Variants in DHTKD1 observed in about 807,000 individuals in gnomAD.
DHTKD1 encodes 2-oxoadipate dehydrogenase complex component E1.
In DHTKD1, 78 loss-of-function variants were observed where a neutral mutation model predicts 101.8. The observed-to-expected ratio is 0.77, with a 90% CI of 0.64 to 0.93. The LOEUF (loss-of-function observed/expected upper bound fraction) is 0.93. DHTKD1 is among the 40% of genes least tolerant of loss of function. The probability of loss-of-function intolerance (pLI) is 0.00; values close to 1 mark genes in which losing one functional copy is unlikely to be tolerated. For missense variants in DHTKD1, 1,223 were observed against 1,161.7 expected, an observed-to-expected ratio of 1.05 and a Z score of -0.77; for synonymous variants, 462 against 450.3, an observed-to-expected ratio of 1.03 and a Z score of -0.33.
At chr10:12,112,521 CACACACACA>C (rs1224219882) in intron 12 of DHTKD1, among the ~76,000 whole-genome samples, 2 of 150,660 alleles carry the variant, frequency 1.3e-5, no homozygotes, top group Non-Finnish European at 3.0e-5. Context: ...CACACACACA[CACACACACA>C]ATCGTTTTAT....
rs1833212255 is a variant in DHTKD1, at chr10:12,104,174, A to G, written c.1897-2072A>G. Among the ~76,000 whole-genome samples the G allele has an allele frequency of 2.0e-5, 3 of 152,266 alleles. No individual in the cohort carries two copies. In the Middle Eastern group the frequency reaches 0.01, roughly 518 times the overall value. ...AGGTCCATCCATGCATGCAGCATGT[A>G]TCAGTACATCCTTCTTTTTTTTGAG... On this transcript the variant is annotated intron_variant, in intron 10 of 16. Transcript: ENST00000263035.
intron 1 of DHTKD1, among the ~76,000 whole-genome samples, chr10:12,073,383 G>A (rs1255845957): frequency 1.3e-5 from 2 of 151,458 alleles, no homozygotes; most frequent in Admixed American, 1.3e-4. Flanking sequence ...GTCTTGCTCT[G>A]TCACCCAGGC....
intron 2 of DHTKD1, among the ~76,000 whole-genome samples, chr10:12,084,071 C>T (rs1348603296): frequency 3.3e-5 from 5 of 151,858 alleles, no homozygotes; most frequent in African/African-American, 1.2e-4. Context: ...TACAGGCGCA[C>T]GCTACCATGC....
Position 12,087,535 on chromosome 10 carries a change from G to C in DHTKD1, c.523G>C (p.Glu175Gln), listed in dbSNP as rs1333426380. Residue 175 changes from glutamate to glutamine, a missense_variant and splice_region_variant, in exon 4 of 17, where the codon GAG (glutamate) becomes CAG (glutamine). By Grantham distance (29) the Glu-to-Gln change is conservative. Coordinates refer to ENST00000263035, the MANE Select transcript of DHTKD1 (RefSeq NM_018706.7). This position sits in a 1 kb window ranked among gnomAD's most constrained non-coding sequence, Gnocchi z 5.2. ...TCACGTCTGACATGATGTTCTGCAGGAGTTTGACCACTTTCTGGCCACCAA... is the reference window on the plus strand; with the variant it reads ...TCACGTCTGACATGATGTTCTGCAGCAGTTTGACCACTTTCTGGCCACCAA... ...HLSKLMLESQ[E>Q]FDHFLATKFS... 1 of 1,591,396 alleles carries C rather than the reference G, an allele frequency of 6.3e-7. No homozygotes were observed. The highest frequency in any genetic ancestry group is 8.6e-7 in the Non-Finnish European group (1 of 1,168,418).
chr10:12,094,570 C>G (rs1833040632), intron 7 of DHTKD1, among the ~76,000 whole-genome samples: 1 of 152,098 alleles, frequency 6.6e-6, no homozygotes, highest in Non-Finnish European at 1.5e-5. Flanking sequence ...CTCCTGACCT[C>G]AGGTGATCTG....
intron 13 of DHTKD1, among the ~76,000 whole-genome samples, chr10:12,115,928 ATT>A (rs762994821): frequency 1.5e-4 from 20 of 133,134 alleles, no homozygotes; most frequent in East Asian, 2.1e-4. Context: ...ACACCCAGCA[ATT>A]TTTTTTTTTT....
chr10:12,074,118 T>G (rs1588599925), intron 1 of DHTKD1, among the ~76,000 whole-genome samples: 2 of 152,324 alleles, frequency 1.3e-5, no homozygotes, highest in South Asian at 2.1e-4. Context: ...CGTAAAGGTA[T>G]TCATTTTTCT....
At position 12,110,430 on chromosome 10, in the gene DHTKD1, T is replaced by C. The variant is rs1391165342; in HGVS notation, c.2154+2415T>C. The stretch of plus-strand genomic sequence containing the variant: ...TGTGGCACAAGACAATTCTTCTTCT[T>C]CCGGTGTGGCTCAGGTAAGCCAAAA... On this transcript the variant is annotated intron_variant, in intron 12 of 16. Transcript: ENST00000263035. This position sits in a 1 kb window ranked among gnomAD's most constrained non-coding sequence, Gnocchi z 4.9. Among the ~76,000 whole-genome samples, 1 of 152,082 alleles carries C rather than the reference T, an allele frequency of 6.6e-6. No individual in the cohort carries two copies. Among genetic ancestry groups the C allele is most frequent in the Admixed American group, 6.6e-5 (1 of 15,256 alleles).
At chr10:12,104,847 G>A (rs542335512) in intron 10 of DHTKD1, among the ~76,000 whole-genome samples, 18 of 151,418 alleles carry the variant, frequency 1.2e-4, no homozygotes, top group Non-Finnish European at 2.2e-4. Context: ...TGACTACCAT[G>A]TATTTCTCAA....
At chr10:12,113,394 C>A (rs561452059) in intron 13 of DHTKD1, among the ~76,000 whole-genome samples, 62 of 152,232 alleles carry the variant, frequency 4.1e-4, no homozygotes, top group Non-Finnish European at 8.1e-4. Context: ...GATGGGGTTT[C>A]GCCATCTTGG....
intron 13 of DHTKD1, among the ~76,000 whole-genome samples, chr10:12,117,330 ATAG>A (rs1833435419): frequency 9.7e-6 from 1 of 103,282 alleles, no homozygotes; most frequent in African/African-American, 3.7e-5. Flanking sequence ...TTTTTTTTTA[ATAG>A]AGGCAAGGCA....
chr10:12,120,648 T>G (rs1180660847), intron 16 of DHTKD1, 139 bp from the exon 17 acceptor site: 7 of 757,108 alleles, frequency 9.2e-6, no homozygotes, highest in Non-Finnish European at 1.3e-5. Context: ...CTCTAATCTC[T>G]TCTGCGTAAC....
At chr10:12,112,534 G>A (rs1564398027) in intron 12 of DHTKD1, among the ~76,000 whole-genome samples, 1 of 150,058 alleles carries the variant, frequency 6.7e-6, no homozygotes, top group African/African-American at 2.5e-5. Flanking sequence ...ACACACAATC[G>A]TTTTATTACA....
intron 12 of DHTKD1, among the ~76,000 whole-genome samples, chr10:12,108,720 G>C (rs1046972735): frequency 6.6e-6 from 1 of 152,174 alleles, no homozygotes; most frequent in South Asian, 2.1e-4. Flanking sequence ...AAGTTGGAAA[G>C]AATTTACTGT....
intron 1 of DHTKD1, among the ~76,000 whole-genome samples, chr10:12,071,523 G>T (rs1157092654): frequency 6.6e-6 from 1 of 152,158 alleles, no homozygotes; most frequent in East Asian, 1.9e-4. Flanking sequence ...TGTAATCCCT[G>T]CACTTTGGGA....
chr10:12,099,248 C>G (rs892119410), intron 8 of DHTKD1, among the ~76,000 whole-genome samples: 3 of 151,618 alleles, frequency 2.0e-5, no homozygotes, highest in Non-Finnish European at 2.9e-5. Context: ...ACTATTACAA[C>G]AAACTATTAA....
rs973035129 is a variant in DHTKD1 at position 12,103,865 on chromosome 10, T to C, written c.1897-2381T>C. Among the ~76,000 whole-genome samples the C allele has an allele frequency of 6.6e-6, 1 of 152,172 alleles. No individual in the cohort carries two copies. Among genetic ancestry groups the C allele is most frequent in the African/African-American group, 2.4e-5 (1 of 41,454 alleles). ...AAAAGCTTTATTGAGCTATAACTCA[T>C]ACAATTCAACCTCTCAGTGTGTACA... On this transcript the variant is annotated intron_variant, in intron 10 of 16. Transcript: ENST00000263035. This position sits in a 1 kb window ranked among gnomAD's most constrained non-coding sequence, Gnocchi z 4.8.
chr10:12,095,693 G>T (rs1343760835), intron 7 of DHTKD1, among the ~76,000 whole-genome samples: 1 of 150,414 alleles, frequency 6.6e-6, no homozygotes, highest in East Asian at 2.0e-4. Context: ...GGCGCCTGTA[G>T]TCCCAGCTAC....
At chr10:12,101,465 C>T (rs1833169571) in intron 10 of DHTKD1, among the ~76,000 whole-genome samples, 1 of 152,154 alleles carries the variant, frequency 6.6e-6, no homozygotes, top group South Asian at 2.1e-4. Context: ...CTGCATATTG[C>T]TGTAATTCAT....
Sources: allele counts gnomAD v4.1 joint callset (sites outside exome capture counted in the v4.1 genomes callset), GRCh38; gene constraint gnomAD v4.1.1; non-coding constraint Gnocchi (gnomAD v3.1); transcripts MANE v1.5; gene names NCBI Gene and HGNC (gene_info 2026-07-23, HGNC 2026-07-21).